Variants in OSBPL1A observed in about 807,000 individuals in gnomAD.
The protein encoded by OSBPL1A is oxysterol-binding protein-related protein 1.
A neutral mutation model predicts 137.1 loss-of-function variants in OSBPL1A; 80 were observed. The observed-to-expected ratio is 0.58, with a 90% confidence interval of 0.49 to 0.70. The LOEUF is 0.70. Ranked by LOEUF, OSBPL1A falls within the 30% of genes least tolerant of loss-of-function variation. The pLI is 0.00. For synonymous variants in OSBPL1A, 365 were observed against 389.7 expected (o/e 0.94, Z 0.75); for missense variants, 970 against 1,129.4 (o/e 0.86, Z 2.02).
chr18:24,335,369 A>C (rs1389123049), intron 5 of OSBPL1A, among the ~76,000 whole-genome samples: 1 of 152,202 alleles, frequency 6.6e-6, no homozygotes. Context: ...CCAAGGTCAC[A>C]CAATCAGAGT....
rs374794567 is a variant in OSBPL1A at position 24,318,740 on chromosome 18, C to A, written c.687+8G>T. The A allele has an allele frequency of 2.5e-6, 4 of 1,611,106 alleles. No homozygotes were observed. In the African/African-American group the frequency reaches 4.0e-5, roughly 16 times the overall value. ...ATTATTAGATAAATTTAATTCATTA[C>A]TCTGTACCTTATTACCAACAAGAAT... On this transcript the variant is annotated splice_region_variant and intron_variant, in intron 8 of 27. Coordinates refer to ENST00000319481, the MANE Select transcript of OSBPL1A (RefSeq NM_080597.4).
intron 17 of OSBPL1A, among the ~76,000 whole-genome samples, chr18:24,207,811 T>G (rs1265837045): frequency 6.6e-6 from 1 of 152,212 alleles, no homozygotes; most frequent in Non-Finnish European, 1.5e-5. Flanking sequence ...AGTGGCACAG[T>G]CTTGGCTCAC....
intron 11 of OSBPL1A, among the ~76,000 whole-genome samples, chr18:24,315,711 A>C (rs2090710404): frequency 1.0e-5 from 1 of 98,832 alleles, no homozygotes; most frequent in African/African-American, 3.6e-5. Context: ...ATAATAAAAT[A>C]TATAATATAT....
intron 4 of OSBPL1A, among the ~76,000 whole-genome samples, chr18:24,348,542 G>C (rs1599698458): frequency 6.6e-6 from 1 of 152,148 alleles, no homozygotes; most frequent in Middle Eastern, 3.4e-3. Flanking sequence ...GGAGGCTGAG[G>C]TAGGTGGATC....
In OSBPL1A at chr18:24,332,385, CAAAAAAAA is replaced by C. The variant is rs71163675; in HGVS notation, c.625+549_625+556del. ...TGGGCAACAGAGAGAGACTCTGTCT[CAAAAAAAA>C]AAAAAAAAAAAAAAAAAAAAAAGGC... On this transcript the variant is annotated intron_variant, in intron 7 of 27. Transcript: ENST00000319481. Among the ~76,000 whole-genome samples, 12 of 53,058 alleles carry C rather than the reference CAAAAAAAA, an allele frequency of 2.3e-4. No individual in the cohort carries two copies. In the South Asian group the frequency reaches 6.7e-3, roughly 30 times the overall value. 34.8% of individuals were successfully genotyped at this position (53,058 alleles called of 152,430 possible).
At chr18:24,395,726 A>T (rs1411798738) in intron 1 of OSBPL1A, among the ~76,000 whole-genome samples, 2 of 151,576 alleles carry the variant, frequency 1.3e-5, no homozygotes, top group Non-Finnish European at 2.9e-5. Flanking sequence ...GGTTCAAGGG[A>T]TTCTCCAGCC....
At chr18:24,396,991 A>G (rs1599749492) in intron 1 of OSBPL1A, among the ~76,000 whole-genome samples, 1 of 152,244 alleles carries the variant, frequency 6.6e-6, no homozygotes, top group Non-Finnish European at 1.5e-5. Context: ...ATTTAAGCTA[A>G]GAATATCACA....
chr18:24,223,257 T>C (rs1003443314), intron 17 of OSBPL1A, among the ~76,000 whole-genome samples: 2 of 152,142 alleles, frequency 1.3e-5, no homozygotes, highest in African/African-American at 4.8e-5. Context: ...TATTCTAAAA[T>C]TAAACTTTTA....
intron 17 of OSBPL1A, among the ~76,000 whole-genome samples, chr18:24,210,966 T>TTTG (rs2087522579): frequency 6.6e-6 from 1 of 151,970 alleles, no homozygotes; most frequent in Non-Finnish European, 1.5e-5. Context: ...AACTTTTTTT[T>TTTG]TTTGTTTGTT....
chr18:24,279,090 T>C (rs1387130619), intron 15 of OSBPL1A, among the ~76,000 whole-genome samples: 1 of 152,138 alleles, frequency 6.6e-6, no homozygotes, highest in Non-Finnish European at 1.5e-5. Context: ...ATATGTAGAA[T>C]TGGTGCTACA....
At position 24,178,501 on chromosome 18, in the gene OSBPL1A, C is replaced by T. The variant is rs143140085; in HGVS notation, c.1911-306G>A. On this transcript the variant is annotated intron_variant, in intron 20 of 27. Transcript: ENST00000319481. ...GAGACGGGGGTTTCATCATGTTGGC[C>T]AGGTTGGTTTCGAACTCCTGACCTC... Among the ~76,000 whole-genome samples the T allele has an allele frequency of 2.6e-3, 398 of 152,156 alleles. 11 individuals are homozygous for T. The East Asian group carries it at 0.055, about 21-fold the overall frequency.
At chr18:24,389,388 T>A (rs1907170327) in intron 1 of OSBPL1A, among the ~76,000 whole-genome samples, 1 of 152,164 alleles carries the variant, frequency 6.6e-6, no homozygotes, top group Non-Finnish European at 1.5e-5. Context: ...TTTAAATTCT[T>A]TTGAGGAAAG....
At chr18:24,192,476 A>T (rs779458479) in intron 18 of OSBPL1A, among the ~76,000 whole-genome samples, 3 of 152,258 alleles carry the variant, frequency 2.0e-5, no homozygotes, top group Non-Finnish European at 4.4e-5. Flanking sequence ...TTTAGGGTTG[A>T]ATTCCAGTTA....
At position 24,377,519 on chromosome 18, in the gene OSBPL1A, C is replaced by T. The variant is rs376231951; in HGVS notation, c.15G>A (p.Ala5=). 7.5e-6 allele frequency: 12 copies of T among 1,603,330 alleles called. No individual in the cohort carries two copies. The highest frequency in any genetic ancestry group is 1.7e-4 in the Middle Eastern group (1 of 6,038). Residue 5 remains alanine, a synonymous_variant, in exon 2 of 28, where the codon GCG becomes GCA. Coordinates refer to ENST00000319481, the MANE Select transcript of OSBPL1A (RefSeq NM_080597.4). Reference sequence around the variant, plus strand: ...TGGCGTGATGGAGAAGCTGTTGCTCCGCTTCTGTGTTCATTTCTAAATTAA... The same window carrying T: ...TGGCGTGATGGAGAAGCTGTTGCTCTGCTTCTGTGTTCATTTCTAAATTAA... The part of the protein sequence containing the change: MNTE[A]EQQLLHHARN...
chr18:24,175,129 TATATATAC>T (rs1567920309), intron 21 of OSBPL1A, among the ~76,000 whole-genome samples: 15 of 72,574 alleles, frequency 2.1e-4, no homozygotes, highest in African/African-American at 5.6e-4. Context: ...TATATATATA[TATATATAC>T]ACATATATAT....
At chr18:24,293,852 T>G (rs2090238771) in intron 14 of OSBPL1A, among the ~76,000 whole-genome samples, 2 of 152,052 alleles carry the variant, frequency 1.3e-5, no homozygotes, top group South Asian at 4.2e-4. Context: ...ACTGACATTT[T>G]GGGAGGATTT....
At chr18:24,337,841 A>G (rs2091202014) in intron 5 of OSBPL1A, among the ~76,000 whole-genome samples, 1 of 151,708 alleles carries the variant, frequency 6.6e-6, no homozygotes, top group African/African-American at 2.4e-5. Flanking sequence ...GTAAGAAAAT[A>G]ATCCTTGTTC....
At chr18:24,231,481 G>C (rs1223883819) in intron 16 of OSBPL1A, among the ~76,000 whole-genome samples, 2 of 152,048 alleles carry the variant, frequency 1.3e-5, no homozygotes, top group Non-Finnish European at 2.9e-5. Context: ...GTAGAGATGG[G>C]GTTTCACCAT....
In OSBPL1A at chr18:24,312,089, T is replaced by C. The variant is rs1361319127; in HGVS notation, c.987A>G (p.Ile329Met). The C allele has an allele frequency of 6.2e-7, 1 of 1,614,034 alleles. No individual in the cohort carries two copies. Reference sequence around the variant, plus strand: ...GAGTGCTGTAAGCAGAATGTTCTTCTATTGCTTCCAGCCAGTCCTGAAATC... The same window carrying C: ...GAGTGCTGTAAGCAGAATGTTCTTCCATTGCTTCCAGCCAGTCCTGAAATC... ...QQSREDWLEA[I>M]EEHSAYSTHY... The change falls in exon 13 of 28, where the codon ATA becomes ATG. Residue 329 changes from isoleucine (I) to methionine (M), a missense_variant. Around this residue, in one of 2 missense-constraint regions of OSBPL1A, gnomAD observed 647 missense variants for 672.6 expected, o/e 0.96. Transcript: ENST00000319481.
Sources: gnomAD v4.1 joint callset for allele counts (sites outside exome capture counted in the v4.1 genomes callset) on GRCh38, gnomAD v4.1.1 for gene constraint, gnomAD v4.1.1 regional missense constraint, MANE v1.5 for transcripts, NCBI Gene and HGNC (gene_info 2026-07-23, HGNC 2026-07-21) for gene names.